The following PIBF1 variants were observed in gnomAD, a reference collection of about 807,000 sequenced individuals.
The protein encoded by PIBF1 is progesterone immunomodulatory binding factor 1.
A neutral mutation model predicts 112.5 loss-of-function variants in PIBF1; 90 were observed. The ratio of observed to expected loss-of-function variants is 0.80; its 90% CI spans 0.67 to 0.95. The LOEUF is 0.95. Among genes scored for constraint, PIBF1 ranks in the 40% least tolerant of loss-of-function variants. The pLI, the probability that PIBF1 is intolerant of heterozygous loss-of-function variation, is 0.00. For synonymous variants in PIBF1, 301 were observed against 288.6 expected (o/e 1.04, Z -0.44); for missense variants, 915 against 852.3 (o/e 1.07, Z -0.92).
chr13:72,838,053 T>C (rs1288387658), intron 9 of PIBF1, among the ~76,000 whole-genome samples: 1 of 152,218 alleles, frequency 6.6e-6, no homozygotes. Context: ...AAATGCAGAC[T>C]AAAAGAAGAG....
intron 11 of PIBF1, among the ~76,000 whole-genome samples, chr13:72,901,989 CTG>C (rs1198486607): frequency 3.5e-5 from 2 of 57,338 alleles, no homozygotes; most frequent in East Asian, 1.3e-3. Flanking sequence ...GATAAAGAAA[CTG>C]TAGTGTGTAT....
intron 10 of PIBF1, among the ~76,000 whole-genome samples, chr13:72,873,351 A>G (rs1199735145): frequency 6.6e-6 from 1 of 152,206 alleles, no homozygotes; most frequent in African/African-American, 2.4e-5. Flanking sequence ...TTGAGTTATC[A>G]AAGGTTGCAT....
At chr13:72,971,112 T>C (rs1310407055) in intron 15 of PIBF1, among the ~76,000 whole-genome samples, 2 of 152,050 alleles carry the variant, frequency 1.3e-5, no homozygotes, top group African/African-American at 4.8e-5. Context: ...AATCCTTTAA[T>C]TACCTCGACA....
intron 14 of PIBF1, among the ~76,000 whole-genome samples, chr13:72,937,399 A>G (rs1239975088): frequency 6.6e-6 from 1 of 152,192 alleles, no homozygotes; most frequent in East Asian, 1.9e-4. Flanking sequence ...TTAGTAAAAC[A>G]TATGGTATAA....
At chr13:72,849,808 G>GTCACACACTTCCTCTGTAGTCA (rs1377587549) in intron 9 of PIBF1, among the ~76,000 whole-genome samples, 40 of 152,208 alleles carry the variant, frequency 2.6e-4, no homozygotes, top group African/African-American at 9.2e-4. Context: ...GGACTCTGTA[G>GTCACACACTTCCTCTGTAGTCA]CATACTTCCT....
chr13:72,947,466 T>C (rs1209374747), intron 14 of PIBF1, among the ~76,000 whole-genome samples: 2 of 152,208 alleles, frequency 1.3e-5, no homozygotes. Flanking sequence ...TTCACCATTG[T>C]CTTGGCAATT....
intron 15 of PIBF1, among the ~76,000 whole-genome samples, chr13:72,973,356 G>T (rs1428712964): frequency 1.3e-5 from 2 of 151,032 alleles, no homozygotes; most frequent in Admixed American, 6.6e-5. Flanking sequence ...AAAGAAAAGA[G>T]GAGAGGGAAG....
intron 15 of PIBF1, 40 bp from the exon 16 acceptor site, chr13:72,973,551 T>A: frequency 1.0e-6 from 1 of 982,284 alleles, no homozygotes; most frequent in Non-Finnish European, 1.6e-6. Context: ...ATATTTATAC[T>A]AACATAATGA....
At chr13:72,837,688 T>G (rs1308674038) in intron 9 of PIBF1, among the ~76,000 whole-genome samples, 1 of 150,418 alleles carries the variant, frequency 6.6e-6, no homozygotes, top group African/African-American at 2.4e-5. Context: ...CTCCTTAGAC[T>G]TTTATTATCT....
chr13:72,970,337 C>G (rs1304121052), intron 15 of PIBF1, among the ~76,000 whole-genome samples: 1 of 152,116 alleles, frequency 6.6e-6, no homozygotes, highest in Non-Finnish European at 1.5e-5. Flanking sequence ...AAGAGACACT[C>G]TGTGTAATAC....
intron 10 of PIBF1, among the ~76,000 whole-genome samples, chr13:72,856,746 A>G (rs1302469192): frequency 6.6e-6 from 1 of 152,216 alleles, no homozygotes; most frequent in Non-Finnish European, 1.5e-5. Context: ...TGTAATGTTG[A>G]TAAATGACAT....
Position 72,795,408 on chromosome 13 carries a change from CAG to C in PIBF1, c.405_406del (p.Lys136ThrfsTer22). 2 of 1,605,840 alleles carry C rather than the reference CAG, an allele frequency of 1.2e-6. No individual in the cohort carries two copies. Among genetic ancestry groups the C allele is most frequent in the Non-Finnish European group, 1.7e-6 (2 of 1,177,336 alleles). ...AGAAATGGAAACCATTTTGTTGAGA[CAG>C]AAACAACTAGAAGAGACAAATCTTC... is the stretch of plus-strand genomic sequence containing the variant. ...KQEMETILLR[Q>X]KQLEETNLQL... On this transcript the variant is annotated frameshift_variant, in exon 4 of 18. Coordinates refer to ENST00000326291, the MANE Select transcript of PIBF1 (RefSeq NM_006346.4). LOFTEE classifies it high-confidence loss of function.
intron 17 of PIBF1, among the ~76,000 whole-genome samples, chr13:73,005,561 A>ATTTT (rs2044007612): frequency 6.6e-5 from 10 of 152,138 alleles, no homozygotes; most frequent in South Asian, 4.2e-4. Flanking sequence ...TAGGTTACAA[A>ATTTT]AATAATTTTT....
At chr13:72,954,123 G>A (rs1189371074) in intron 14 of PIBF1, among the ~76,000 whole-genome samples, 1 of 152,120 alleles carries the variant, frequency 6.6e-6, no homozygotes, top group Non-Finnish European at 1.5e-5. Flanking sequence ...ACAGGGAGTG[G>A]GAGCAGGAGG....
intron 16 of PIBF1, among the ~76,000 whole-genome samples, chr13:72,976,626 G>A (rs781656724): frequency 1.3e-5 from 2 of 152,084 alleles, no homozygotes; most frequent in Non-Finnish European, 2.9e-5. Context: ...CAAATCTAAT[G>A]TTATTAATCA....
rs370632800 is a variant in PIBF1, at chr13:72,783,644, A to G, written c.175A>G (p.Asn59Asp). 6.2e-7 allele frequency: 1 copy of G among 1,613,930 alleles called. No individual in the cohort carries two copies. The highest frequency in any genetic ancestry group is 1.3e-5 in the African/African-American group (1 of 75,056). ...AATTGAACGAAAAGAACTACTTCATAATATTCAGTTACTAAAAATTGAGCT... is the reference window on the plus strand; with the variant it reads ...AATTGAACGAAAAGAACTACTTCATGATATTCAGTTACTAAAAATTGAGCT... ...QLIERKELLH[N>D]IQLLKIELSQ... Residue 59 changes from asparagine (N) to aspartate (D), a missense_variant, in exon 2 of 18, where the codon AAT (asparagine) becomes GAT (aspartate). By Grantham distance (23) the Asn-to-Asp change is conservative. Coordinates refer to ENST00000326291, the MANE Select transcript of PIBF1 (RefSeq NM_006346.4).
chr13:72,934,921 A>G (rs1245634958), intron 14 of PIBF1, among the ~76,000 whole-genome samples: 1 of 152,070 alleles, frequency 6.6e-6, no homozygotes, highest in Non-Finnish European at 1.5e-5. Flanking sequence ...TCCCTAAGCA[A>G]TTACTGATTT....
chr13:72,950,705 C>G (rs1351018732), intron 14 of PIBF1, among the ~76,000 whole-genome samples: 1 of 152,084 alleles, frequency 6.6e-6, no homozygotes, highest in African/African-American at 2.4e-5. Flanking sequence ...TATTGAGTAC[C>G]TATTATGGGC....
chr13:72,981,150 C>A (rs1175270412), intron 16 of PIBF1, among the ~76,000 whole-genome samples: 1 of 151,248 alleles, frequency 6.6e-6, no homozygotes, highest in Admixed American at 6.6e-5. Context: ...GAGCCTGCGG[C>A]AGGAGAATCA....
Sources: allele counts gnomAD v4.1 joint callset (sites outside exome capture counted in the v4.1 genomes callset), GRCh38; gene constraint gnomAD v4.1.1; transcripts MANE v1.5; gene names NCBI Gene and HGNC (gene_info 2026-07-23, HGNC 2026-07-21).